MSI2: variants seen among roughly 807,000 people sequenced by gnomAD.
MSI2 encodes RNA-binding protein Musashi homolog 2.
Under a neutral mutation model 45.6 loss-of-function variants are expected in MSI2, and 17 were observed. That is an observed-to-expected ratio of 0.37 (90% CI 0.26 to 0.56). The LOEUF (loss-of-function observed/expected upper bound fraction) is 0.56. MSI2 is among the 20% of genes least tolerant of loss of function. The probability of loss-of-function intolerance (pLI) is 0.77; values close to 1 mark genes in which losing one functional copy is unlikely to be tolerated. For missense variants in MSI2, 293 were observed against 444.2 expected (o/e 0.66, Z 3.06); for synonymous variants, 156 against 158.2 (o/e 0.99, Z 0.11).
At chr17:57,637,525 G>A (rs1255057800) in intron 10 of MSI2, among the ~76,000 whole-genome samples, 2 of 152,186 alleles carry the variant, frequency 1.3e-5, no homozygotes, top group Non-Finnish European at 1.5e-5. Flanking sequence ...ATAAATAAAC[G>A]GAAATGTGAC....
chr17:57,525,690 A>G (rs980478248), intron 6 of MSI2, among the ~76,000 whole-genome samples: 2 of 152,350 alleles, frequency 1.3e-5, no homozygotes, highest in Non-Finnish European at 1.5e-5. Context: ...GGTTGGAATA[A>G]GCTCCTTTTC....
intron 7 of MSI2, among the ~76,000 whole-genome samples, chr17:57,536,206 T>C (rs184105281): frequency 6.6e-6 from 1 of 152,250 alleles, no homozygotes; most frequent in Admixed American, 6.5e-5. Context: ...AATGTATGCA[T>C]GTCCTTCCTA....
intron 6 of MSI2, among the ~76,000 whole-genome samples, chr17:57,469,453 A>G (rs966128152): frequency 3.9e-5 from 6 of 152,286 alleles, no homozygotes; most frequent in African/African-American, 1.4e-4. Context: ...TTACACTTAG[A>G]CACAGATGAT....
At chr17:57,461,499 G>A (rs1028510193) in intron 6 of MSI2, among the ~76,000 whole-genome samples, 1 of 151,526 alleles carries the variant, frequency 6.6e-6, no homozygotes, top group African/African-American at 2.4e-5. Flanking sequence ...CCGGGCTGCT[G>A]TCGGGAACAG....
chr17:57,328,656 A>G (rs1404056792), intron 5 of MSI2, among the ~76,000 whole-genome samples: 1 of 152,236 alleles, frequency 6.6e-6, no homozygotes, highest in Admixed American at 6.5e-5. Flanking sequence ...AACCTAATTT[A>G]ACTAATCCTC....
chr17:57,494,820 T>C (rs975074869), intron 6 of MSI2, among the ~76,000 whole-genome samples: 1 of 152,130 alleles, frequency 6.6e-6, no homozygotes, highest in African/African-American at 2.4e-5. Flanking sequence ...TCAGGTACCA[T>C]GCTGGACACC....
rs540207025 is a variant in MSI2 at position 57,485,952 on chromosome 17, A to G, written c.406-43724A>G. Among the ~76,000 whole-genome samples, 10 of 152,260 alleles carry G rather than the reference A, an allele frequency of 6.6e-5. No individual in the cohort carries two copies. The East Asian group carries it at 1.9e-3, about 29-fold the overall frequency. On this transcript the variant is annotated intron_variant, in intron 6 of 13. Transcript: ENST00000284073. Reference sequence around the variant, plus strand: ...GGCCAAGACTGCCCACACCACACCAATGCAATAGACCCAGCTTCTCTGCCT... The same window carrying G: ...GGCCAAGACTGCCCACACCACACCAGTGCAATAGACCCAGCTTCTCTGCCT...
At chr17:57,658,548 A>G (rs1208565585) in intron 11 of MSI2, among the ~76,000 whole-genome samples, 1 of 152,210 alleles carries the variant, frequency 6.6e-6, no homozygotes, top group African/African-American at 2.4e-5. Context: ...GGGCTTTCAG[A>G]CCAAACCTGT....
intron 10 of MSI2, among the ~76,000 whole-genome samples, chr17:57,636,450 C>T (rs1413515508): frequency 6.6e-6 from 1 of 152,196 alleles, no homozygotes; most frequent in Non-Finnish European, 1.5e-5. Flanking sequence ...CCATCCACCC[C>T]CTCCTCTAGC....
rs1914265827 is a variant in MSI2 at position 57,331,440 on chromosome 17, G to A, written c.312+69248G>A. 3.3e-5 allele frequency among the ~76,000 whole-genome samples: 5 copies of A among 152,172 alleles called. No homozygotes were observed. In the South Asian group the frequency reaches 8.3e-4, roughly 25 times the overall value. ...CTGGAAACTTAAGTGGAGGAGAGCAGAGATATCAAGAAAGGAAATATGTGA... is the reference window on the plus strand; with the variant it reads ...CTGGAAACTTAAGTGGAGGAGAGCAAAGATATCAAGAAAGGAAATATGTGA... On this transcript the variant is annotated intron_variant, in intron 5 of 13. Transcript: ENST00000284073.
At chr17:57,509,465 G>C (rs1486415176) in intron 6 of MSI2, among the ~76,000 whole-genome samples, 2 of 152,144 alleles carry the variant, frequency 1.3e-5, no homozygotes, top group Non-Finnish European at 2.9e-5. Flanking sequence ...TTGTCGCCCA[G>C]GCTGGAGTGC....
At position 57,407,325 on chromosome 17, in the gene MSI2, C is replaced by T. The variant is rs543522954; in HGVS notation, c.405+5854C>T. 4.7e-4 allele frequency among the ~76,000 whole-genome samples: 71 copies of T among 151,966 alleles called. No individual in the cohort carries two copies. The highest frequency in any genetic ancestry group is 6.0e-4 in the Non-Finnish European group (41 of 67,984). On this transcript the variant is annotated intron_variant, in intron 6 of 13. Coordinates refer to ENST00000284073, the MANE Select transcript of MSI2 (RefSeq NM_138962.4). This position sits in a 1 kb window ranked among gnomAD's most constrained non-coding sequence, Gnocchi z 4.1. ...TGCATTCATGGCCCCCACTCAGACA[C>T]CCCTTTTGATACTGTATGTGTGAGG...
At chr17:57,333,192 C>G (rs958080064) in intron 5 of MSI2, among the ~76,000 whole-genome samples, 1 of 152,132 alleles carries the variant, frequency 6.6e-6, no homozygotes, top group African/African-American at 2.4e-5. Flanking sequence ...CTCCTCATAG[C>G]GTTGCTGTGA....
chr17:57,334,478 A>G (rs1257360768), intron 5 of MSI2, among the ~76,000 whole-genome samples: 1 of 152,068 alleles, frequency 6.6e-6, no homozygotes, highest in Non-Finnish European at 1.5e-5. Context: ...TCTGAAAGCA[A>G]CACTCCCCAA....
intron 5 of MSI2, chr17:57,263,931 C>T (rs892438837): frequency 2.0e-5 from 3 of 152,178 alleles, no homozygotes; most frequent in African/African-American, 7.2e-5. Flanking sequence ...GTATGACATA[C>T]TTCACTTTAC....
chr17:57,294,303 T>C (rs530434911), intron 5 of MSI2, among the ~76,000 whole-genome samples: 1 of 152,260 alleles, frequency 6.6e-6, no homozygotes, highest in East Asian at 1.9e-4. Flanking sequence ...TGGGTGCTGT[T>C]TGAGCATCTG....
chr17:57,408,713 C>T (rs1830855939), intron 6 of MSI2, among the ~76,000 whole-genome samples: 1 of 152,090 alleles, frequency 6.6e-6, no homozygotes, highest in African/African-American at 2.4e-5. Flanking sequence ...GCCTTTTTCT[C>T]CCTAGATGTA....
At position 57,397,849 on chromosome 17, in the gene MSI2, C is replaced by T. The variant is rs528331589; in HGVS notation, c.313-3530C>T. On this transcript the variant is annotated intron_variant, in intron 5 of 13. Transcript: ENST00000284073. ...GCCCATGTTTCCACTGGCCTTTTCACGTTTGGAAGGTTTTGATTAAAACAG... is the reference window on the plus strand; with the variant it reads ...GCCCATGTTTCCACTGGCCTTTTCATGTTTGGAAGGTTTTGATTAAAACAG... Among the ~76,000 whole-genome samples the T allele has an allele frequency of 5.9e-5, 9 of 152,268 alleles. No homozygotes were observed. In the East Asian group the frequency reaches 7.7e-4, roughly 13 times the overall value.
intron 10 of MSI2, chr17:57,628,525 C>A (rs952394607): frequency 6.6e-6 from 1 of 152,348 alleles, no homozygotes; most frequent in African/African-American, 2.4e-5. Context: ...TCTCCGATAC[C>A]ACCTGGCCAA....
Sources: allele counts gnomAD v4.1 joint callset (sites outside exome capture counted in the v4.1 genomes callset), GRCh38; gene constraint gnomAD v4.1.1; non-coding constraint Gnocchi (gnomAD v3.1); transcripts MANE v1.5; gene names NCBI Gene and HGNC (gene_info 2026-07-23, HGNC 2026-07-21).